The following POU3F3 variants were observed in gnomAD, a reference collection of about 807,000 sequenced individuals.
POU3F3 encodes POU domain, class 3, transcription factor 3.
In POU3F3, 1 loss-of-function variant was observed where a neutral mutation model predicts 8.6. That is an observed-to-expected ratio of 0.12 (90% CI 0.04 to 0.55). The LOEUF is 0.55. POU3F3 is among the 20% of genes least tolerant of loss of function. The probability of loss-of-function intolerance (pLI) is 0.91; values close to 1 mark genes in which losing one functional copy is unlikely to be tolerated. For synonymous variants in POU3F3, 418 were observed against 327.4 expected (o/e 1.28, Z -2.99); for missense variants, 577 against 690.7 (o/e 0.84, Z 1.84).
At position 104,855,765 on chromosome 2, in the gene POU3F3, C is replaced by A; in HGVS notation, c.255C>A (p.Ser85Arg). 1 of 1,334,676 alleles carries A rather than the reference C, an allele frequency of 7.5e-7. No homozygotes were observed. Among genetic ancestry groups the A allele is most frequent in the Non-Finnish European group, 9.8e-7 (1 of 1,021,236 alleles). The allele number at this position is 1,334,676 out of a possible 1,614,324, so 82.7% of individuals were successfully genotyped here. A position where few individuals can be genotyped will look rare whatever the true frequency, so the allele number is the denominator to read the frequency against. ...TCATGCAGGGGGCCATGGCCGCCAG[C>A]AACGGCGGCCATATGCTGAGCCACG... ...SDFMQGAMAA[S>R]NGGHMLSHAH... Residue 85 changes from serine (S) to arginine (R), a missense_variant, in exon 1 of 1, where the codon AGC (serine) becomes AGA (arginine). Around this residue, in one of 7 missense-constraint regions of POU3F3, gnomAD observed 484 missense variants for 422.6 expected, o/e 1.15. Coordinates refer to ENST00000361360, the MANE Select transcript of POU3F3 (RefSeq NM_006236.3).
chr2:104,882,863 C>A, the POU3F3 span, among the ~76,000 whole-genome samples: 17 of 152,158 alleles, frequency 1.1e-4, no homozygotes, highest in African/African-American at 2.4e-4. Context: ...TCTAAAAAAA[C>A]CAAGAAATAT....
chr2:104,926,146 C>T, the POU3F3 span: 1 of 152,204 alleles, frequency 6.6e-6, no homozygotes, highest in East Asian at 1.9e-4. Context: ...GCAAAAGAAA[C>T]TCTCATTGGA....
the POU3F3 span, among the ~76,000 whole-genome samples, chr2:104,863,971 C>T: frequency 6.6e-6 from 1 of 152,206 alleles, no homozygotes; most frequent in Non-Finnish European, 1.5e-5. Context: ...CCCTGCGCGC[C>T]GCACGGGGCG....
At chr2:104,897,001 G>C in the POU3F3 span, among the ~76,000 whole-genome samples, 1 of 152,180 alleles carries the variant, frequency 6.6e-6, no homozygotes, top group Non-Finnish European at 1.5e-5. Context: ...GCACCTTTGA[G>C]TCCTTGTCCT....
chr2:104,890,239 C>G, the POU3F3 span, among the ~76,000 whole-genome samples: 1 of 152,150 alleles, frequency 6.6e-6, no homozygotes, highest in Non-Finnish European at 1.5e-5. Context: ...GGTTGGGGAC[C>G]TGGGATTCAG....
At chr2:104,880,508 C>A in the POU3F3 span, among the ~76,000 whole-genome samples, 1 of 152,166 alleles carries the variant, frequency 6.6e-6, no homozygotes, top group Non-Finnish European at 1.5e-5. Flanking sequence ...CTGTGCCCAA[C>A]CATGCTGCAG....
At chr2:104,859,214 C>T (rs949222081), downstream of POU3F3, among the ~76,000 whole-genome samples, 2 of 152,148 alleles carry the variant, frequency 1.3e-5, no homozygotes, top group African/African-American at 4.8e-5. Context: ...TGTGCAATTA[C>T]CAACTCAGAC....
the POU3F3 span, among the ~76,000 whole-genome samples, chr2:104,879,034 A>G: frequency 6.6e-6 from 1 of 151,746 alleles, no homozygotes; most frequent in South Asian, 2.1e-4. Flanking sequence ...CACACACAAC[A>G]TATACATACA....
At chr2:104,874,859 C>T in the POU3F3 span, among the ~76,000 whole-genome samples, 8 of 152,164 alleles carry the variant, frequency 5.3e-5, no homozygotes, top group African/African-American at 1.9e-4. Context: ...ACCATTTTTA[C>T]CCTTTTATGT....
chr2:104,919,856 C>G, the POU3F3 span, among the ~76,000 whole-genome samples: 2 of 151,884 alleles, frequency 1.3e-5, no homozygotes, highest in Non-Finnish European at 2.9e-5. Flanking sequence ...CTCTCTCTTT[C>G]TCTCTCATTG....
At chr2:104,876,865 C>A in the POU3F3 span, among the ~76,000 whole-genome samples, 2 of 152,194 alleles carry the variant, frequency 1.3e-5, no homozygotes, top group African/African-American at 4.8e-5. Context: ...TGCTGAACCG[C>A]TAGAGCTCTG....
At chr2:104,888,243 T>C in the POU3F3 span, among the ~76,000 whole-genome samples, 1 of 152,328 alleles carries the variant, frequency 6.6e-6, no homozygotes, top group South Asian at 2.1e-4. Flanking sequence ...CATTAGATAC[T>C]CTTTAAAGGG....
At position 104,857,073 on chromosome 2, in the gene POU3F3, A is replaced by G. The variant is rs1676580268; in HGVS notation, c.*60A>G. 1.7e-6 allele frequency: 2 copies of G among 1,164,210 alleles called. No individual in the cohort carries two copies. The highest frequency in any genetic ancestry group is 3.5e-4 in the Middle Eastern group (1 of 2,850). The allele number at this position is 1,164,210 out of a possible 1,614,324, so 72.1% of individuals were successfully genotyped here. A position where few individuals can be genotyped will look rare whatever the true frequency, so the allele number is the denominator to read the frequency against. On this transcript the variant is annotated 3_prime_UTR_variant, in exon 1 of 1. Transcript: ENST00000361360. ...CGCCGCCTCCGCAGCCGCCGTCAGCACCGCCGCCGCCCCTGCCGCCGCCGC... is the reference window on the plus strand; with the variant it reads ...CGCCGCCTCCGCAGCCGCCGTCAGCGCCGCCGCCGCCCCTGCCGCCGCCGC...
the POU3F3 span, among the ~76,000 whole-genome samples, chr2:104,896,805 C>T: frequency 6.6e-6 from 1 of 152,226 alleles, no homozygotes; most frequent in African/African-American, 2.4e-5. Context: ...GATGGACTGA[C>T]GTGGGATCAC....
At chr2:104,879,612 G>A in the POU3F3 span, among the ~76,000 whole-genome samples, 1 of 152,122 alleles carries the variant, frequency 6.6e-6, no homozygotes, top group African/African-American at 2.4e-5. Flanking sequence ...GAGCAGAATG[G>A]GGTGGCCCTG....
In POU3F3 at chr2:104,856,198, G is replaced by A; in HGVS notation, c.688G>A (p.Val230Met). Reference protein sequence around the residue: ...LLYSQPGGFTVNGMLSAPPGP... With the variant: ...LLYSQPGGFTMNGMLSAPPGP... ...CTACTCGCAGCCCGGAGGCTTCACGGTGAACGGCATGCTGAGCGCGCCACC... is the reference window on the plus strand; with the variant it reads ...CTACTCGCAGCCCGGAGGCTTCACGATGAACGGCATGCTGAGCGCGCCACC... Residue 230 changes from valine to methionine, a missense_variant, in exon 1 of 1, where the codon GTG becomes ATG. By Grantham distance (21) the Val-to-Met change is conservative. Around this residue, in one of 7 missense-constraint regions of POU3F3, gnomAD observed 484 missense variants for 422.6 expected, o/e 1.15. Coordinates refer to ENST00000361360, the MANE Select transcript of POU3F3 (RefSeq NM_006236.3). 2 of 1,266,682 alleles carry A rather than the reference G, an allele frequency of 1.6e-6. No homozygotes were observed. The highest frequency in any genetic ancestry group is 2.0e-6 in the Non-Finnish European group (2 of 1,013,470). The allele number at this position is 1,266,682 out of a possible 1,614,324, so 78.5% of individuals were successfully genotyped here.
chr2:104,892,675 A>G, the POU3F3 span, among the ~76,000 whole-genome samples: 1 of 150,886 alleles, frequency 6.6e-6, no homozygotes, highest in African/African-American at 2.4e-5. Context: ...ATATACACAT[A>G]TGTGTGTGTG....
At chr2:104,919,870 G>A in the POU3F3 span, among the ~76,000 whole-genome samples, 1 of 150,952 alleles carries the variant, frequency 6.6e-6, no homozygotes, top group African/African-American at 2.4e-5. Context: ...CTCATTGTCT[G>A]GCTTTGGAAA....
At chr2:104,912,757 G>A in the POU3F3 span, among the ~76,000 whole-genome samples, 1 of 152,216 alleles carries the variant, frequency 6.6e-6, no homozygotes, top group East Asian at 1.9e-4. Context: ...GCCTGCCAGG[G>A]TGAGCACACG....
Sources: gnomAD v4.1 joint callset for allele counts (sites outside exome capture counted in the v4.1 genomes callset) on GRCh38, gnomAD v4.1.1 for gene constraint, gnomAD v4.1.1 regional missense constraint, MANE v1.5 for transcripts, NCBI Gene and HGNC (gene_info 2026-07-23, HGNC 2026-07-21) for gene names.